Variants in UVRAG observed in about 807,000 individuals in gnomAD.
UVRAG encodes the protein UV radiation resistance-associated gene protein.
A neutral mutation model predicts 78.0 loss-of-function variants in UVRAG; 19 were observed. The observed-to-expected ratio is 0.24, with a 90% CI of 0.17 to 0.36. UVRAG has a LOEUF of 0.36. UVRAG is among the 10% of genes least tolerant of loss of function. The probability of loss-of-function intolerance (pLI) is 1.00; values close to 1 mark genes in which losing one functional copy is unlikely to be tolerated. For missense variants in UVRAG, 740 were observed against 853.8 expected (o/e 0.87, Z 1.66); for synonymous variants, 323 against 324.6 (o/e 1.00, Z 0.05).
intron 1 of UVRAG, among the ~76,000 whole-genome samples, chr11:75,818,897 T>G (rs762855551): frequency 4.6e-5 from 7 of 152,196 alleles, no homozygotes; most frequent in Admixed American, 1.3e-4. Context: ...TTTGTCAACC[T>G]TGGGACTGTT....
chr11:75,877,668 TC>T (rs1480493615), intron 3 of UVRAG, among the ~76,000 whole-genome samples: 1 of 115,768 alleles, frequency 8.6e-6, no homozygotes, highest in African/African-American at 3.4e-5. Flanking sequence ...GCTCCTCACT[TC>T]CCAGTAGGGG....
At chr11:76,030,855 C>T (rs1283163668) in intron 12 of UVRAG, among the ~76,000 whole-genome samples, 1 of 152,164 alleles carries the variant, frequency 6.6e-6, no homozygotes, top group Non-Finnish European at 1.5e-5. Flanking sequence ...TATAGTATCA[C>T]AGAAATGAAG....
chr11:75,860,793 CTT>C (rs59883539), intron 2 of UVRAG, among the ~76,000 whole-genome samples: 6 of 144,082 alleles, frequency 4.2e-5, no homozygotes, highest in Admixed American at 7.0e-5. Context: ...CTTTTCTTTT[CTT>C]TTTTTTTTTT....
chr11:75,830,431 G>A (rs971363259), intron 1 of UVRAG, among the ~76,000 whole-genome samples: 2 of 151,950 alleles, frequency 1.3e-5, no homozygotes, highest in East Asian at 1.9e-4. Flanking sequence ...CACCATGCCC[G>A]GCTAACTTTT....
At chr11:76,110,210 AC>A (rs765365275) in intron 13 of UVRAG, among the ~76,000 whole-genome samples, 32 of 145,102 alleles carry the variant, frequency 2.2e-4, no homozygotes, top group Non-Finnish European at 3.9e-4. Flanking sequence ...TATATCTGGT[AC>A]ATATATATAT....
chr11:76,037,977 C>G (rs1193881033), intron 12 of UVRAG, among the ~76,000 whole-genome samples: 1 of 151,792 alleles, frequency 6.6e-6, no homozygotes, highest in Non-Finnish European at 1.5e-5. Flanking sequence ...GGTAACAATA[C>G]AAAAATTTTA....
At chr11:76,052,411 C>CCTCA (rs762418869) in intron 12 of UVRAG, among the ~76,000 whole-genome samples, 26 of 152,312 alleles carry the variant, frequency 1.7e-4, no homozygotes, top group Non-Finnish European at 2.8e-4. Flanking sequence ...TCCTGCTGTG[C>CCTCA]CTCACCACAT....
At chr11:76,051,504 A>T (rs769825164) in intron 12 of UVRAG, among the ~76,000 whole-genome samples, 1 of 152,216 alleles carries the variant, frequency 6.6e-6, no homozygotes, top group African/African-American at 2.4e-5. Context: ...GAAGGTTTCT[A>T]TAAGGAAATT....
intron 6 of UVRAG, among the ~76,000 whole-genome samples, chr11:75,934,536 C>G (rs1020616107): frequency 1.3e-5 from 2 of 152,058 alleles, no homozygotes; most frequent in African/African-American, 2.4e-5. Flanking sequence ...AGGATAAATA[C>G]TTGAGGTGAT....
intron 13 of UVRAG, among the ~76,000 whole-genome samples, chr11:76,071,665 G>C (rs1283230752): frequency 6.6e-6 from 1 of 152,126 alleles, no homozygotes; most frequent in African/African-American, 2.4e-5. Flanking sequence ...CCAGTTAGAA[G>C]GCTATTTCAG....
At chr11:75,846,630 A>G (rs900569932) in intron 1 of UVRAG, among the ~76,000 whole-genome samples, 5 of 151,206 alleles carry the variant, frequency 3.3e-5, no homozygotes, top group Admixed American at 3.3e-4. Context: ...CACTTTCAGC[A>G]CCATTTGTTG....
chr11:75,872,134 C>T (rs1191468787), intron 3 of UVRAG, among the ~76,000 whole-genome samples: 1 of 152,100 alleles, frequency 6.6e-6, no homozygotes, highest in African/African-American at 2.4e-5. Context: ...CTGTTGAATT[C>T]CAGTTTAGTA....
chr11:76,023,203 A>C (rs2025541099), intron 12 of UVRAG, among the ~76,000 whole-genome samples: 1 of 152,028 alleles, frequency 6.6e-6, no homozygotes, highest in South Asian at 2.1e-4. Context: ...ATGGTCCTTT[A>C]ATTTCAGTTG....
chr11:75,932,287 T>A (rs781264655), intron 6 of UVRAG, among the ~76,000 whole-genome samples: 33 of 151,498 alleles, frequency 2.2e-4, no homozygotes, highest in Non-Finnish European at 3.1e-4. Context: ...ATTTATTTAT[T>A]TATTTATTTA....
chr11:75,855,912 C>G (rs533607363), intron 2 of UVRAG, among the ~76,000 whole-genome samples: 142 of 152,250 alleles, frequency 9.3e-4, no homozygotes, highest in Non-Finnish European at 1.8e-3. Context: ...GTTATTATAT[C>G]CCCAGAGAAC....
At chr11:76,138,078 C>G (rs571371693) in intron 14 of UVRAG, among the ~76,000 whole-genome samples, 2 of 152,334 alleles carry the variant, frequency 1.3e-5, no homozygotes, top group African/African-American at 4.8e-5. Context: ...AAAGTTCCCA[C>G]CTCTCAAAGC....
chr11:75,831,090 AG>A (rs1306010281), intron 1 of UVRAG, among the ~76,000 whole-genome samples: 8 of 152,350 alleles, frequency 5.3e-5, no homozygotes, highest in African/African-American at 1.4e-4. Flanking sequence ...CTTGGTTTAT[AG>A]TAAGTGTTCA....
chr11:75,911,616 C>G (rs1947740426), intron 5 of UVRAG: 1 of 200,750 alleles, frequency 5.0e-6, no homozygotes, highest in Non-Finnish European at 1.0e-5. Flanking sequence ...GCTCTGCCCC[C>G]TCGGGGTCTG....
chr11:75,896,245 T>C (rs1947342330), intron 5 of UVRAG, among the ~76,000 whole-genome samples: 2 of 152,284 alleles, frequency 1.3e-5, no homozygotes, highest in South Asian at 4.1e-4. Flanking sequence ...TAGAGATTTC[T>C]ACAGGGGTTT....
Sources: allele counts gnomAD v4.1 joint callset (sites outside exome capture counted in the v4.1 genomes callset), GRCh38; gene constraint gnomAD v4.1.1; transcripts MANE v1.5; gene names NCBI Gene and HGNC (gene_info 2026-07-23, HGNC 2026-07-21).